Variants in ATP8B1 observed in about 807,000 individuals in gnomAD.
ATP8B1 encodes ATPase phospholipid transporting 8B1.
ATP8B1 carries 80 observed loss-of-function variants against 149.9 expected under a neutral mutation model. The observed-to-expected ratio is 0.53, with a 90% CI of 0.45 to 0.64. The LOEUF is 0.64. Ranked by LOEUF, ATP8B1 falls within the 30% of genes least tolerant of loss-of-function variation. The pLI is 0.00. For missense variants in ATP8B1, 1,247 were observed against 1,552.6 expected, an observed-to-expected ratio of 0.80 and a Z score of 3.31; for synonymous variants, 536 against 562.8, an observed-to-expected ratio of 0.95 and a Z score of 0.67.
chr18:57,797,888 A>G (rs2080531694), intron 1 of ATP8B1, among the ~76,000 whole-genome samples: 1 of 151,620 alleles, frequency 6.6e-6, no homozygotes, highest in Admixed American at 6.6e-5. Flanking sequence ...TGTATTTTTA[A>G]TAAAGATGAG....
intron 1 of ATP8B1, among the ~76,000 whole-genome samples, chr18:57,783,753 T>C (rs554433923): frequency 1.3e-5 from 2 of 152,052 alleles, no homozygotes; most frequent in Non-Finnish European, 2.9e-5. Context: ...GGAAAATTGC[T>C]TGAACTGGGA....
chr18:57,678,763 C>A (rs1368532775), intron 15 of ATP8B1, among the ~76,000 whole-genome samples: 3 of 49,294 alleles, frequency 6.1e-5, no homozygotes, highest in Non-Finnish European at 1.4e-4. Flanking sequence ...AAAAAATTAG[C>A]CAGGCATGGT....
intron 6 of ATP8B1, among the ~76,000 whole-genome samples, chr18:57,698,735 G>A (rs937329226): frequency 6.6e-6 from 1 of 152,200 alleles, no homozygotes; most frequent in Non-Finnish European, 1.5e-5. Flanking sequence ...GTTGTCTGAT[G>A]GAGCTTTGTG....
intron 15 of ATP8B1, among the ~76,000 whole-genome samples, chr18:57,683,256 T>TAGTGAAGTGGATGAAGTGAGGG (rs1912071602): frequency 6.6e-6 from 1 of 152,168 alleles, no homozygotes; most frequent in African/African-American, 2.4e-5. Context: ...GTGGAAGATG[T>TAGTGAAGTGGATGAAGTGAGGG]AGTGAAGTGG....
intron 1 of ATP8B1, among the ~76,000 whole-genome samples, chr18:57,781,741 G>T (rs1008424767): frequency 6.6e-6 from 1 of 152,156 alleles, no homozygotes; most frequent in Non-Finnish European, 1.5e-5. Flanking sequence ...TTGGGAGGCC[G>T]AGATGGGAGG....
chr18:57,661,533 A>T (rs1910404814), intron 21 of ATP8B1, 71 bp from the exon 22 acceptor site: 3 of 1,502,744 alleles, frequency 2.0e-6, no homozygotes, highest in Non-Finnish European at 2.7e-6. Flanking sequence ...CCCAAGATTT[A>T]AATTATGTGA....
Position 57,784,383 on chromosome 18 carries a change from T to G in ATP8B1, c.-26+18615A>C, listed in dbSNP as rs991956571. On this transcript the variant is annotated intron_variant, in intron 1 of 27. Coordinates refer to ENST00000648908, the MANE Select transcript of ATP8B1 (RefSeq NM_001374385.1). The surrounding 1 kb of genome is among the most constrained non-coding windows in gnomAD (Gnocchi z 4.4). ...AAGTGTAGCCCTCATGTAAGAAGGC[T>G]ACTGGAATGGTCCAGGAGAGGGAGG... Among the ~76,000 whole-genome samples, 1 of 152,138 alleles carries G rather than the reference T, an allele frequency of 6.6e-6. No individual in the cohort carries two copies. Among genetic ancestry groups the G allele is most frequent in the Non-Finnish European group, 1.5e-5 (1 of 68,020 alleles).
intron 1 of ATP8B1, among the ~76,000 whole-genome samples, chr18:57,745,608 C>A (rs1008220113): frequency 6.6e-6 from 1 of 151,748 alleles, no homozygotes; most frequent in Non-Finnish European, 1.5e-5. Flanking sequence ...TTATAAAAAG[C>A]AGGAATGGAA....
At position 57,655,270 on chromosome 18, in the gene ATP8B1, C is replaced by T. The variant is rs12968116; in HGVS notation, c.2855G>A (p.Arg952Gln). The T allele has an allele frequency of 0.1, 169,219 of 1,613,884 alleles. 9,838 individuals carry two copies. The highest frequency in any genetic ancestry group is 0.12 in the Non-Finnish European group (143,223 of 1,179,798). ...WSYIRMCKFL[R>Q]YFFYKNFAFT... The stretch of plus-strand genomic sequence containing the variant: ...GGCAAAGTTTTTGTAAAAGAAGTAT[C>T]GTAGGAACTTGCACATCCTTATGTA... Residue 952 changes from arginine (R) to glutamine (Q), a missense_variant, in exon 23 of 28, where the codon CGA (arginine) becomes CAA (glutamine). By Grantham distance (43) the Arg-to-Gln change is conservative (BLOSUM62 1). This residue lies in a region of ATP8B1 where 230 missense variants were observed against 356.6 expected (regional missense o/e 0.65). Transcript: ENST00000648908.
At chr18:57,650,265 C>G (rs2122544463) in intron 27 of ATP8B1, 102 bp downstream of exon 27, 1 of 1,451,844 alleles carries the variant, frequency 6.9e-7, no homozygotes. Context: ...ATCATTCTTA[C>G]CAAACTTCCC....
At chr18:57,794,573 A>C (rs2080493092) in intron 1 of ATP8B1, among the ~76,000 whole-genome samples, 1 of 151,906 alleles carries the variant, frequency 6.6e-6, no homozygotes, top group Admixed American at 6.6e-5. Context: ...GGGCTTTTAC[A>C]CCCACCCTGA....
chr18:57,676,717 CAAA>C (rs58101846), intron 15 of ATP8B1, among the ~76,000 whole-genome samples: 8 of 92,200 alleles, frequency 8.7e-5, no homozygotes, highest in Admixed American at 1.4e-4. Flanking sequence ...GACTCCATTT[CAAA>C]AAAAAAAAAA....
In ATP8B1 at chr18:57,657,340, A is replaced by G. The variant is rs914299652; in HGVS notation, c.2708-1923T>C. ...CAATAGTCATAAATAACACTTTCAA[A>G]TTAGAGAATGATTAGTTTTGTCTGG... On this transcript the variant is annotated intron_variant, in intron 22 of 27. Coordinates refer to ENST00000648908, the MANE Select transcript of ATP8B1 (RefSeq NM_001374385.1). Among the ~76,000 whole-genome samples, 43 of 152,178 alleles carry G rather than the reference A, an allele frequency of 2.8e-4. 1 individual carries two copies. Among genetic ancestry groups the G allele is most frequent in the African/African-American group, 9.9e-4 (41 of 41,440 alleles).
In ATP8B1 at chr18:57,648,552, C is replaced by A. The variant is rs1413340065; in HGVS notation, c.3692G>T (p.Arg1231Leu). The change falls in exon 28 of 28, where the codon CGC (arginine) becomes CTC (leucine). Residue 1231 changes from arginine (R) to leucine (L), a missense_variant. Transcript: ENST00000648908. ...ISSGRSIRKK[R>L]SPLDAIVADG... ...CGCCACGATGGCATCAAGCGGCGAG[C>A]GCTTCTTGCGGATGCTGCGCCCGGA... 1.2e-6 allele frequency: 2 copies of A among 1,611,550 alleles called. No homozygotes were observed. Among genetic ancestry groups the A allele is most frequent in the Admixed American group, 1.7e-5 (1 of 60,022 alleles).
intron 1 of ATP8B1, among the ~76,000 whole-genome samples, chr18:57,738,763 G>A (rs768330661): frequency 3.5e-4 from 53 of 151,934 alleles, no homozygotes; most frequent in Non-Finnish European, 6.6e-4. Flanking sequence ...GAAATGCTGC[G>A]AGATCCCTCT....
chr18:57,680,889 T>C (rs921768337), intron 15 of ATP8B1, among the ~76,000 whole-genome samples: 1 of 152,144 alleles, frequency 6.6e-6, no homozygotes. Flanking sequence ...AAGTGAAGGC[T>C]TCCAAGCCTT....
intron 1 of ATP8B1, among the ~76,000 whole-genome samples, chr18:57,794,545 A>G (rs530016999): frequency 6.8e-4 from 103 of 151,768 alleles, no homozygotes; most frequent in African/African-American, 2.4e-3. Context: ...ATGGCCAGAT[A>G]GTAGGGCCAC....
chr18:57,694,491 G>A (rs949194678), intron 11 of ATP8B1, 91 bp downstream of exon 11: 8 of 897,848 alleles, frequency 8.9e-6, no homozygotes, highest in Non-Finnish European at 1.4e-5. Flanking sequence ...CACCTAAAGA[G>A]GTAAGATTTT....
chr18:57,696,488 TA>T (rs1342441707), intron 8 of ATP8B1, among the ~76,000 whole-genome samples: 1 of 151,214 alleles, frequency 6.6e-6, no homozygotes, highest in East Asian at 1.9e-4. Flanking sequence ...AATTGGTTTT[TA>T]ACCAATTAGC....
Sources: allele counts gnomAD v4.1 joint callset (sites outside exome capture counted in the v4.1 genomes callset), GRCh38; gene constraint gnomAD v4.1.1; regional missense constraint gnomAD v4.1.1; non-coding constraint Gnocchi (gnomAD v3.1); transcripts MANE v1.5; gene names NCBI Gene and HGNC (gene_info 2026-07-23, HGNC 2026-07-21).